The following NHSL1 variants were observed in gnomAD, a reference collection of about 807,000 sequenced individuals.
The protein encoded by NHSL1 is NHS like 1.
A neutral mutation model predicts 95.0 loss-of-function variants in NHSL1; 48 were observed. The ratio of observed to expected loss-of-function variants is 0.51; its 90% CI spans 0.40 to 0.64. NHSL1 has a LOEUF of 0.64. NHSL1 is among the 30% of genes least tolerant of loss of function. NHSL1 has a pLI of 0.00. For missense variants in NHSL1, 1,971 were observed against 2,077.7 expected (o/e 0.95, Z 1.00); for synonymous variants, 783 against 833.9 (o/e 0.94, Z 1.05).
chr6:138,529,895 A>G (rs1327619692), intron 1 of NHSL1, among the ~76,000 whole-genome samples: 1 of 152,178 alleles, frequency 6.6e-6, no homozygotes. Context: ...TTTGCCATGT[A>G]GTGTAACATA....
At position 138,666,096 on chromosome 6, in the gene NHSL1, G is replaced by C. The variant is rs1223039023; in HGVS notation, c.96+26380C>G. On this transcript the variant is annotated intron_variant, in intron 1 of 3. Coordinates refer to the NHSL1 transcript ENST00000491526. ...AGGCGGGCGGATCACCTGAAGTCAG[G>C]AGTTCGAGACCAGCCTGACCAACAT... Among the ~76,000 whole-genome samples the C allele has an allele frequency of 2.6e-5, 4 of 151,800 alleles. No individual in the cohort carries two copies. The South Asian group carries it at 6.3e-4, about 24-fold the overall frequency.
intron 1 of NHSL1, among the ~76,000 whole-genome samples, chr6:138,543,777 A>C (rs1782675497): frequency 6.6e-6 from 1 of 152,238 alleles, no homozygotes. Context: ...AGGGCAAAGG[A>C]CAACTTAAAA....
intron 2 of NHSL1, among the ~76,000 whole-genome samples, chr6:138,484,853 T>C (rs574556495): frequency 6.6e-6 from 1 of 152,356 alleles, no homozygotes; most frequent in South Asian, 2.1e-4. Flanking sequence ...TTGCACACCA[T>C]GGCAAGAATT....
intron 3 of NHSL1, among the ~76,000 whole-genome samples, chr6:138,457,014 G>A (rs1254428401): frequency 2.0e-5 from 3 of 151,926 alleles, no homozygotes; most frequent in Non-Finnish European, 4.4e-5. Flanking sequence ...CTGAGTAGCT[G>A]GGACTACAGG....
intron 1 of NHSL1, among the ~76,000 whole-genome samples, chr6:138,544,187 C>T (rs4895532): frequency 0.38 from 57,021 of 151,962 alleles, 11,036 homozygotes; most frequent in East Asian, 0.58. Context: ...GGAAATTACA[C>T]TAGGTAGCAT....
chr6:138,423,254 C>T lies in NHSL1; in HGVS notation c.*827G>A, dbSNP rs561299609. On this transcript the variant is annotated 3_prime_UTR_variant, in exon 8 of 8. Transcript: ENST00000343505. The stretch of plus-strand genomic sequence containing the variant: ...TACTCCTTTCCAACCCTTCCCCTCT[C>T]TCTATGTCCACACCATCACTTCAGT... 80 of 152,302 alleles carry T rather than the reference C, an allele frequency of 5.3e-4. No individual in the cohort carries two copies. The highest frequency in any genetic ancestry group is 1.9e-3 in the African/African-American group (78 of 41,554). 9.4% of individuals were successfully genotyped at this position (152,302 alleles called of 1,614,324 possible).
At chr6:138,502,209 C>T (rs1780721031), upstream of NHSL1, among the ~76,000 whole-genome samples, 1 of 152,114 alleles carries the variant, frequency 6.6e-6, no homozygotes, top group African/African-American at 2.4e-5. Context: ...ACATTTCTTG[C>T]GTTCTATATT....
chr6:138,684,299 CAT>C (rs142293623), intron 1 of NHSL1, among the ~76,000 whole-genome samples: 8,609 of 151,876 alleles, frequency 0.057, 316 homozygotes, highest in African/African-American at 0.098. Flanking sequence ...ACAGTAATGA[CAT>C]ATTTTGTTTG....
In NHSL1 at chr6:138,446,433, G is replaced by A. The variant is rs570152848; in HGVS notation, c.532+568C>T. On this transcript the variant is annotated intron_variant, in intron 4 of 7. Transcript: ENST00000343505. ...CCTTAATTGTCACAAATGATTACAGGCTGAGTATAATATTCCATAAGAACT... is the reference window on the plus strand; with the variant it reads ...CCTTAATTGTCACAAATGATTACAGACTGAGTATAATATTCCATAAGAACT... Among the ~76,000 whole-genome samples, 465 of 152,240 alleles carry A rather than the reference G, an allele frequency of 3.1e-3. 5 individuals carry two copies. The highest frequency in any genetic ancestry group is 4.2e-3 in the Non-Finnish European group (285 of 68,006).
chr6:138,649,934 G>A (rs185188614), intron 1 of NHSL1, among the ~76,000 whole-genome samples: 1 of 152,200 alleles, frequency 6.6e-6, no homozygotes, highest in East Asian at 1.9e-4. Context: ...CCAGCCCTCT[G>A]CACAAGACAG....
chr6:138,454,806 A>G (rs750750945), intron 3 of NHSL1, among the ~76,000 whole-genome samples: 17 of 152,266 alleles, frequency 1.1e-4, no homozygotes, highest in Non-Finnish European at 1.5e-4. Context: ...GGGCATAATC[A>G]AAGCTACTTT....
At chr6:138,671,111 C>T (rs371652690) in intron 1 of NHSL1, among the ~76,000 whole-genome samples, 12 of 152,132 alleles carry the variant, frequency 7.9e-5, no homozygotes, top group African/African-American at 2.7e-4. Flanking sequence ...GCTATGAACA[C>T]GCCACTACAC....
intron 4 of NHSL1, chr6:138,446,746 T>G: frequency 2.1e-6 from 1 of 484,128 alleles, no homozygotes; most frequent in Non-Finnish European, 3.7e-6. Context: ...AGAGACACTC[T>G]TAAGATGAAT....
intron 1 of NHSL1, among the ~76,000 whole-genome samples, chr6:138,665,238 C>A (rs576066457): frequency 2.7e-4 from 38 of 140,232 alleles, no homozygotes; most frequent in African/African-American, 1.2e-3. Flanking sequence ...TTTCCAATAA[C>A]TAATTCTTTG....
intron 1 of NHSL1, among the ~76,000 whole-genome samples, chr6:138,517,094 G>T (rs1781491153): frequency 6.6e-6 from 1 of 152,304 alleles, no homozygotes; most frequent in African/African-American, 2.4e-5. Flanking sequence ...TCTGCACAAT[G>T]ATTTCCCCCA....
chr6:138,432,379 C>T lies in NHSL1; in HGVS notation c.1966G>A (p.Asp656Asn). ...GAGATGTTTCTTGATAGGGATTTAT[C>T]CTGGTAATTGGACCGGTCCCCTTGG... ...KNQGDRSNYQ[D>N]KSLSRNISLK... is the part of the protein sequence containing the mutation. Residue 656 changes from aspartate (D) to asparagine (N), a missense_variant, in exon 6 of 8, where the codon GAT (aspartate) becomes AAT (asparagine). By Grantham distance (23) the Asp-to-Asn change is conservative (BLOSUM62 1). This residue lies in a region of NHSL1 where 1,602 missense variants were observed against 1,654.5 expected (regional missense o/e 0.97). Transcript: ENST00000343505. The surrounding 1 kb of genome is among the most constrained non-coding windows in gnomAD (Gnocchi z 4.4). 1.3e-6 allele frequency: 2 copies of T among 1,552,036 alleles called. No homozygotes were observed. The highest frequency in any genetic ancestry group is 1.7e-6 in the Non-Finnish European group (2 of 1,147,084).
At chr6:138,464,228 T>C (rs1206489623) in intron 3 of NHSL1, 2 of 821,550 alleles carry the variant, frequency 2.4e-6, no homozygotes, top group East Asian at 5.9e-5. Flanking sequence ...GGCCGCCAGC[T>C]TGGCCATCAC....
chr6:138,619,872 C>T (rs1420647346), intron 1 of NHSL1, among the ~76,000 whole-genome samples: 4 of 148,464 alleles, frequency 2.7e-5, no homozygotes, highest in South Asian at 4.3e-4. Context: ...TGCTTGAACC[C>T]GGGAAGCGGA....
chr6:138,547,011 C>A (rs1384876046), upstream of NHSL1, among the ~76,000 whole-genome samples: 1 of 152,188 alleles, frequency 6.6e-6, no homozygotes, highest in East Asian at 1.9e-4. Context: ...CAGGAAGTGG[C>A]CATTGTTCAC....
Sources: allele counts gnomAD v4.1 joint callset (sites outside exome capture counted in the v4.1 genomes callset), GRCh38; gene constraint gnomAD v4.1.1; regional missense constraint gnomAD v4.1.1; non-coding constraint Gnocchi (gnomAD v3.1); transcripts MANE v1.5; gene names NCBI Gene and HGNC (gene_info 2026-07-23, HGNC 2026-07-21).